PCCA: variants seen among roughly 807,000 people sequenced by gnomAD.
The protein encoded by PCCA is propionyl-CoA carboxylase subunit alpha, also known as propionyl-CoA carboxylase alpha chain, mitochondrial.
PCCA carries 74 observed loss-of-function variants against 101.3 expected under a neutral mutation model. That is an observed-to-expected ratio of 0.73 (90% CI 0.61 to 0.89). The LOEUF (loss-of-function observed/expected upper bound fraction) is 0.89. Among genes scored for constraint, PCCA ranks in the 40% least tolerant of loss-of-function variants. The pLI is 0.00. For missense variants in PCCA, 891 were observed against 907.0 expected (o/e 0.98, Z 0.23); for synonymous variants, 294 against 313.6 (o/e 0.94, Z 0.66).
chr13:100,420,984 A>G (rs1294594369), intron 19 of PCCA, among the ~76,000 whole-genome samples: 4 of 152,198 alleles, frequency 2.6e-5, no homozygotes, highest in South Asian at 2.1e-4. Flanking sequence ...TGGCGGGCCA[A>G]TCATCTGAGG....
rs71114680 is a variant in PCCA at position 100,264,196 on chromosome 13, C to CGT, written c.819+1365_819+1366insGT. 2.9e-4 allele frequency among the ~76,000 whole-genome samples: 15 copies of CGT among 51,110 alleles called. 2 individuals are homozygous for CGT. Among genetic ancestry groups the CGT allele is most frequent in the South Asian group, 4.4e-4 (1 of 2,258 alleles). The allele number at this position is 51,110 out of a possible 152,430, so 33.5% of individuals were successfully genotyped here. A position where few individuals can be genotyped will look rare whatever the true frequency, so the allele number is the denominator to read the frequency against. On this transcript the variant is annotated intron_variant, in intron 10 of 23. Coordinates refer to ENST00000376285, the MANE Select transcript of PCCA (RefSeq NM_000282.4). The stretch of plus-strand genomic sequence containing the variant: ...TCGTATATATGTGATATCTGTATAT[C>CGT]ATATATGTGATATCTGTATCTCATA...
intron 17 of PCCA, among the ~76,000 whole-genome samples, chr13:100,339,390 A>G (rs2390464): frequency 0.71 from 108,131 of 152,082 alleles, 38,821 homozygotes; most frequent in Middle Eastern, 0.8. Flanking sequence ...TCTACTATCT[A>G]TATGTAGTAC....
chr13:100,400,998 T>C (rs775766339), intron 19 of PCCA, among the ~76,000 whole-genome samples: 7 of 152,122 alleles, frequency 4.6e-5, no homozygotes, highest in Non-Finnish European at 8.8e-5. Flanking sequence ...AAGAAAGTGC[T>C]TTTCTTTAGG....
intron 12 of PCCA, among the ~76,000 whole-genome samples, chr13:100,296,103 A>G (rs1333531438): frequency 6.6e-6 from 1 of 152,208 alleles, no homozygotes; most frequent in East Asian, 1.9e-4. Flanking sequence ...CTGCTATTGT[A>G]TAACTATTTT....
intron 4 of PCCA, among the ~76,000 whole-genome samples, chr13:100,150,184 C>T (rs142245918): frequency 3.1e-4 from 47 of 151,996 alleles, no homozygotes; most frequent in African/African-American, 9.9e-4. Flanking sequence ...TGCACCATTA[C>T]GCCCAGGTAA....
intron 2 of PCCA, among the ~76,000 whole-genome samples, chr13:100,109,988 G>T (rs2048157215): frequency 6.6e-6 from 1 of 152,110 alleles, no homozygotes; most frequent in South Asian, 2.1e-4. Flanking sequence ...AAAGAAATTA[G>T]CCGGGCTTGG....
chr13:100,164,607 C>T (rs1354067461), intron 6 of PCCA, among the ~76,000 whole-genome samples: 2 of 152,176 alleles, frequency 1.3e-5, no homozygotes, highest in African/African-American at 4.8e-5. Flanking sequence ...ATCCAAATAT[C>T]ATTCAGTTGA....
At chr13:100,198,939 C>T (rs991268175) in intron 6 of PCCA, among the ~76,000 whole-genome samples, 7 of 144,828 alleles carry the variant, frequency 4.8e-5, no homozygotes, top group Non-Finnish European at 1.0e-4. Context: ...TTTTTTAAGC[C>T]TAAAGTCCCT....
rs572944326 is a variant in PCCA at position 100,255,043 on chromosome 13, A to G, written c.638-2552A>G. 1.1e-4 allele frequency among the ~76,000 whole-genome samples: 17 copies of G among 152,190 alleles called. 2 individuals are homozygous for G. The highest frequency in any genetic ancestry group is 4.1e-4 in the African/African-American group (17 of 41,524). On this transcript the variant is annotated intron_variant, in intron 8 of 23. Transcript: ENST00000376285. ...CAAGGCTGCAGTGAGCCAAGATCAC[A>G]CTCTGCACTCTAGCCTGGGTGACAG...
intron 18 of PCCA, among the ~76,000 whole-genome samples, chr13:100,344,149 TGTG>T (rs2071822503): frequency 6.6e-6 from 1 of 152,144 alleles, no homozygotes; most frequent in Non-Finnish European, 1.5e-5. Flanking sequence ...AAACTGTAAA[TGTG>T]GTACCAACAA....
intron 19 of PCCA, among the ~76,000 whole-genome samples, chr13:100,371,266 A>G (rs572843660): frequency 1.3e-5 from 2 of 152,346 alleles, no homozygotes; most frequent in South Asian, 4.1e-4. Flanking sequence ...TACATACTTA[A>G]TGGCACCATT....
chr13:100,256,442 T>A (rs1229049212), intron 8 of PCCA, among the ~76,000 whole-genome samples: 6 of 152,202 alleles, frequency 3.9e-5, no homozygotes, highest in African/African-American at 4.8e-5. Flanking sequence ...AGGCTCCCAG[T>A]GTAAGAGCAT....
intron 12 of PCCA, among the ~76,000 whole-genome samples, chr13:100,283,019 G>A (rs1183560810): frequency 6.6e-6 from 1 of 151,990 alleles, no homozygotes; most frequent in Non-Finnish European, 1.5e-5. Flanking sequence ...CCCAACCCGG[G>A]TACATGTCCC....
At chr13:100,454,072 T>C (rs199721337) in intron 21 of PCCA, among the ~76,000 whole-genome samples, 1 of 152,114 alleles carries the variant, frequency 6.6e-6, no homozygotes, top group Admixed American at 6.5e-5. Flanking sequence ...AGGGTTTCAC[T>C]GTGTTAGCCA....
chr13:100,127,905 CA>C (rs1019280180), intron 4 of PCCA, among the ~76,000 whole-genome samples: 4 of 150,842 alleles, frequency 2.7e-5, no homozygotes, highest in East Asian at 1.9e-4. Context: ...AAACAAAAAA[CA>C]AAAAAAAAGA....
intron 16 of PCCA, among the ~76,000 whole-genome samples, chr13:100,313,687 A>T (rs2067111519): frequency 6.6e-6 from 1 of 152,242 alleles, no homozygotes; most frequent in Non-Finnish European, 1.5e-5. Flanking sequence ...ATTGTTTTAC[A>T]GTTAAAGTAT....
intron 12 of PCCA, among the ~76,000 whole-genome samples, chr13:100,279,095 C>T (rs2063883442): frequency 6.6e-6 from 1 of 152,102 alleles, no homozygotes; most frequent in Non-Finnish European, 1.5e-5. Flanking sequence ...TTCACTAATA[C>T]CTGCGCTTAG....
At chr13:100,462,921 GA>G (rs1175797657) in intron 21 of PCCA, among the ~76,000 whole-genome samples, 1 of 152,200 alleles carries the variant, frequency 6.6e-6, no homozygotes, top group African/African-American at 2.4e-5. Flanking sequence ...CTGAGGTGAA[GA>G]AAGTGGAGAA....
chr13:100,450,691 T>C (rs2081160791), intron 21 of PCCA, among the ~76,000 whole-genome samples: 2 of 152,202 alleles, frequency 1.3e-5, no homozygotes, highest in Admixed American at 1.3e-4. Context: ...TAATAAAATG[T>C]GTGTTTACTG....
Sources: gnomAD v4.1 joint callset for allele counts (sites outside exome capture counted in the v4.1 genomes callset) on GRCh38, gnomAD v4.1.1 for gene constraint, MANE v1.5 for transcripts, NCBI Gene and HGNC (gene_info 2026-07-23, HGNC 2026-07-21) for gene names.